The following SOX13 variants were observed in gnomAD, a reference collection of about 807,000 sequenced individuals.
SOX13 encodes the protein SRY-box transcription factor 13.
In SOX13, 28 loss-of-function variants were observed where a neutral mutation model predicts 71.8. The ratio of observed to expected loss-of-function variants is 0.39; its 90% confidence interval spans 0.29 to 0.53. The LOEUF is 0.53. Among genes scored for constraint, SOX13 ranks in the 20% least tolerant of loss-of-function variants. The pLI, the probability that SOX13 is intolerant of heterozygous loss-of-function variation, is 0.70. For missense variants in SOX13, 627 were observed against 810.3 expected (o/e 0.77, Z 2.75); for synonymous variants, 309 against 317.8 (o/e 0.97, Z 0.29).
In SOX13 at chr1:204,123,149, G is replaced by A. The variant is rs775787816; in HGVS notation, c.1172G>A (p.Arg391Gln). The A allele has an allele frequency of 2.0e-5, 32 of 1,613,616 alleles. 1 individual carries two copies. In the Middle Eastern group the frequency reaches 1.8e-3, roughly 91 times the overall value. ...ISLDSSPAKE[R>Q]LEDGCVHPLE... ...CTGGACTCATCCCCAGCCAAGGAGC[G>A]GCTGGAGGACGGCTGTGTGCACCCA... Residue 391 changes from arginine (R) to glutamine (Q), a missense_variant, in exon 11 of 14, where the codon CGG becomes CAG. Arg to Gln is a conservative substitution (Grantham distance 43, BLOSUM62 1). This residue lies in a region of SOX13 where 447 missense variants were observed against 532.2 expected (regional missense o/e 0.84). Transcript: ENST00000367204. This position sits in a 1 kb window ranked among gnomAD's most constrained non-coding sequence, Gnocchi z 5.0.
intron 7 of SOX13, 174 bp from the exon 8 acceptor site, chr1:204,121,726 G>A (rs1264528909): frequency 4.4e-6 from 3 of 678,838 alleles, no homozygotes; most frequent in South Asian, 1.6e-5. Context: ...GCAGTGTGGA[G>A]TGAGGGGATA....
At position 204,123,531 on chromosome 1, in the gene SOX13, C is replaced by T; in HGVS notation, c.1232-130C>T. The T allele has an allele frequency of 1.0e-6, 1 of 986,136 alleles. No homozygotes were observed. The highest frequency in any genetic ancestry group is 1.5e-6 in the Non-Finnish European group (1 of 680,126). The allele number at this position is 986,136 out of a possible 1,614,324, so 61.1% of individuals were successfully genotyped here. A position where few individuals can be genotyped will look rare whatever the true frequency, so the allele number is the denominator to read the frequency against. On this transcript the variant is annotated intron_variant, in intron 11 of 13. Coordinates refer to ENST00000367204, the MANE Select transcript of SOX13 (RefSeq NM_005686.3). This position sits in a 1 kb window ranked among gnomAD's most constrained non-coding sequence, Gnocchi z 5.0. ...CCCATCTGCTCCTGCCTTGCTCCTCCTCGGCTGGCTGCTGTGGGAGCCTCC... is the reference window on the plus strand; with the variant it reads ...CCCATCTGCTCCTGCCTTGCTCCTCTTCGGCTGGCTGCTGTGGGAGCCTCC...
chr1:204,097,584 G>A (rs533207478), intron 1 of SOX13, among the ~76,000 whole-genome samples: 17 of 151,786 alleles, frequency 1.1e-4, no homozygotes, highest in African/African-American at 4.1e-4. Context: ...CCAGCTACTC[G>A]GGAGGCTGAG....
At chr1:204,086,007 CCTT>C (rs1656010782) in intron 1 of SOX13, among the ~76,000 whole-genome samples, 1 of 151,632 alleles carries the variant, frequency 6.6e-6, no homozygotes, top group Admixed American at 6.6e-5. Context: ...GTAGGAAGTG[CCTT>C]CTAGCCTTCT....
rs61825748 is a variant in SOX13 at position 204,123,374 on chromosome 1, G to T, written c.1231+166G>T. Among the ~76,000 whole-genome samples, 6,178 of 152,294 alleles carry T rather than the reference G, an allele frequency of 0.041. 148 individuals are homozygous for T. The highest frequency in any genetic ancestry group is 0.055 in the Non-Finnish European group (3,771 of 68,020). ...TTATGTGTCTGTCGGCTCTGTCTCT[G>T]AGTCTGCTTTCCTAAGTTTTGTGAC... is the stretch of plus-strand genomic sequence containing the variant. On this transcript the variant is annotated intron_variant, in intron 11 of 13. Coordinates refer to ENST00000367204, the MANE Select transcript of SOX13 (RefSeq NM_005686.3). This position sits in a 1 kb window ranked among gnomAD's most constrained non-coding sequence, Gnocchi z 5.0.
chr1:204,126,266 C>T lies in SOX13; in HGVS notation c.*132C>T, dbSNP rs757710248. The stretch of plus-strand genomic sequence containing the variant: ...TGCCCCAGAGATGGGCAAAGCTGTG[C>T]ACTTGCAGATACATTCATGAGGGGA... On this transcript the variant is annotated 3_prime_UTR_variant, in exon 14 of 14. Transcript: ENST00000367204. The T allele has an allele frequency of 4.1e-6, 4 of 982,818 alleles. No individual in the cohort carries two copies. Among genetic ancestry groups the T allele is most frequent in the Admixed American group, 2.3e-5 (1 of 42,722 alleles). The allele number at this position is 982,818 out of a possible 1,614,324, so 60.9% of individuals were successfully genotyped here. A position where few individuals can be genotyped will look rare whatever the true frequency, so the allele number is the denominator to read the frequency against.
At position 204,081,088 on chromosome 1, in the gene SOX13, T is replaced by C. The variant is rs917980644; in HGVS notation, c.-2+7377T>C. Among the ~76,000 whole-genome samples the C allele has an allele frequency of 1.8e-4, 28 of 151,974 alleles. No homozygotes were observed. Among genetic ancestry groups the C allele is most frequent in the Non-Finnish European group, 8.8e-5 (6 of 67,982 alleles). ...GACCATGCCTGGCTAATTTTTTGTA[T>C]TTTTAGTAGAGACGGGATTTCTCCA... is the stretch of plus-strand genomic sequence containing the variant. On this transcript the variant is annotated intron_variant, in intron 1 of 13. Coordinates refer to ENST00000367204, the MANE Select transcript of SOX13 (RefSeq NM_005686.3). This position sits in a 1 kb window ranked among gnomAD's most constrained non-coding sequence, Gnocchi z 4.3.
chr1:204,118,076 C>T, intron 7 of SOX13: 1 of 173,600 alleles, frequency 5.8e-6, no homozygotes, highest in Non-Finnish European at 1.2e-5. Context: ...CACTTGAGGT[C>T]AGGAATTCGA....
chr1:204,112,823 G>T, intron 1 of SOX13, 92 bp from the exon 2 acceptor site: 1 of 1,011,284 alleles, frequency 9.9e-7, no homozygotes, highest in South Asian at 1.7e-5. Flanking sequence ...AGGCACTTGG[G>T]TGGGGTCAGG....
Position 204,114,695 on chromosome 1 carries a change from T to C in SOX13, c.418+90T>C. On this transcript the variant is annotated intron_variant, in intron 4 of 13. Transcript: ENST00000367204. Reference sequence around the variant, plus strand: ...GCAGCCTGGCTCTGTAGGGCAGTTCTTGGTACATACCTATCCTGTGCCATC... The same window carrying C: ...GCAGCCTGGCTCTGTAGGGCAGTTCCTGGTACATACCTATCCTGTGCCATC... 3 of 972,116 alleles carry C rather than the reference T, an allele frequency of 3.1e-6. No homozygotes were observed. In the South Asian group the frequency reaches 3.9e-5, roughly 13 times the overall value. 60.2% of individuals were successfully genotyped at this position (972,116 alleles called of 1,614,324 possible).
chr1:204,085,699 G>A (rs191295928), intron 1 of SOX13, among the ~76,000 whole-genome samples: 1 of 151,612 alleles, frequency 6.6e-6, no homozygotes, highest in South Asian at 2.1e-4. Flanking sequence ...AAAGATCCAG[G>A]CCTGGTGGCT....
At chr1:204,113,730 T>G (rs1571587847) in intron 2 of SOX13, among the ~76,000 whole-genome samples, 4 of 145,408 alleles carry the variant, frequency 2.8e-5, no homozygotes, top group South Asian at 2.2e-4. Flanking sequence ...AGGTGGGGGG[T>G]GGGGGCACTG....
At chr1:204,074,022 C>A (rs997811260) in intron 1 of SOX13, 3 of 152,108 alleles carry the variant, frequency 2.0e-5, no homozygotes, top group Non-Finnish European at 4.4e-5. Flanking sequence ...CGCGCGCGTT[C>A]ACCACGCGGG....
intron 1 of SOX13, among the ~76,000 whole-genome samples, chr1:204,082,027 G>A (rs1655917254): frequency 6.6e-6 from 1 of 150,960 alleles, no homozygotes; most frequent in Non-Finnish European, 1.5e-5. Context: ...AGCCCCTGCT[G>A]TTTCTCAGGC....
At chr1:204,077,596 A>G (rs1385158136) in intron 1 of SOX13, among the ~76,000 whole-genome samples, 3 of 152,268 alleles carry the variant, frequency 2.0e-5, no homozygotes, top group Middle Eastern at 3.2e-3. Context: ...ATAAAACTAC[A>G]GAGTACAATC....
intron 7 of SOX13, among the ~76,000 whole-genome samples, chr1:204,121,241 C>T (rs1456483487): frequency 2.0e-5 from 3 of 152,168 alleles, no homozygotes; most frequent in Non-Finnish European, 4.4e-5. Flanking sequence ...CCCACCTTGT[C>T]CTCCCAAAGT....
In SOX13 at chr1:204,073,582, G is replaced by C. The variant is rs919737624; in HGVS notation, c.-131G>C. On this transcript the variant is annotated 5_prime_UTR_variant, in exon 1 of 14. Transcript: ENST00000367204. The surrounding 1 kb of genome is among the most constrained non-coding windows in gnomAD (Gnocchi z 6.8). The stretch of plus-strand genomic sequence containing the variant: ...CCTCCCAGCCCAGCCTCCCCAACCC[G>C]GCCCGCCCGCCGCGTCGCGGGGGCA... 3.3e-5 allele frequency: 5 copies of C among 151,594 alleles called. No individual in the cohort carries two copies. Among genetic ancestry groups the C allele is most frequent in the African/African-American group, 1.2e-4 (5 of 41,344 alleles). The allele number at this position is 151,594 out of a possible 1,614,324, so 9.4% of individuals were successfully genotyped here. A position where few individuals can be genotyped will look rare whatever the true frequency, so the allele number is the denominator to read the frequency against.
intron 8 of SOX13, 118 bp downstream of exon 8, chr1:204,122,103 C>T: frequency 9.6e-7 from 1 of 1,037,794 alleles, no homozygotes; most frequent in Admixed American, 2.3e-5. Flanking sequence ...TTCTTGTTCA[C>T]CCGCTCCTTC....
intron 1 of SOX13, among the ~76,000 whole-genome samples, chr1:204,095,516 G>C (rs1403530522): frequency 6.6e-6 from 1 of 152,114 alleles, no homozygotes; most frequent in East Asian, 1.9e-4. Context: ...TCCCAAGGCA[G>C]CCGCTCTCCA....
Sources: gnomAD v4.1 joint callset for allele counts (sites outside exome capture counted in the v4.1 genomes callset) on GRCh38, gnomAD v4.1.1 for gene constraint, gnomAD v4.1.1 regional missense constraint, Gnocchi (gnomAD v3.1) non-coding constraint, MANE v1.5 for transcripts, NCBI Gene and HGNC (gene_info 2026-07-23, HGNC 2026-07-21) for gene names.